The following SLC43A2 variants were observed in gnomAD, a reference collection of about 807,000 sequenced individuals.
The protein encoded by SLC43A2 is solute carrier family 43 member 2.
A neutral mutation model predicts 63.2 loss-of-function variants in SLC43A2; 38 were observed. The ratio of observed to expected loss-of-function variants is 0.60; its 90% confidence interval spans 0.46 to 0.79. The LOEUF (loss-of-function observed/expected upper bound fraction) is 0.79. Among genes scored for constraint, SLC43A2 ranks in the 30% least tolerant of loss-of-function variants. SLC43A2 has a pLI of 0.00. For synonymous variants in SLC43A2, 322 were observed against 331.0 expected (o/e 0.97, Z 0.30); for missense variants, 644 against 756.2 (o/e 0.85, Z 1.74).
chr17:1,586,928 T>TGGCCCCCCAC, intron 9 of SLC43A2: 1 of 1,232,916 alleles, frequency 8.1e-7, no homozygotes, highest in Non-Finnish European at 1.1e-6. Flanking sequence ...TCCCTGACAA[T>TGGCCCCCCAC]CCCCCCCACC....
rs1906603661 is a variant in SLC43A2, at chr17:1,606,238, T to C, written c.501+6957A>G. Among the ~76,000 whole-genome samples, 1 of 152,152 alleles carries C rather than the reference T, an allele frequency of 6.6e-6. No individual in the cohort carries two copies. Among genetic ancestry groups the C allele is most frequent in the Non-Finnish European group, 1.5e-5 (1 of 68,020 alleles). ...TCCTGGCTGCAGACGCGGGGTCTAC[T>C]GAGCCACGGCACTAAACTCCTGTCC... On this transcript the variant is annotated intron_variant, in intron 5 of 13. Transcript: ENST00000301335. The surrounding 1 kb of genome is among the most constrained non-coding windows in gnomAD (Gnocchi z 4.7).
chr17:1,611,627 CA>C (rs11377420), intron 5 of SLC43A2, among the ~76,000 whole-genome samples: 263 of 120,362 alleles, frequency 2.2e-3, no homozygotes, highest in Non-Finnish European at 2.3e-3. Flanking sequence ...CGAGCAGACT[CA>C]AAAAAAAAAA....
At chr17:1,591,739 G>GGGGGGGGC in intron 6 of SLC43A2, 40 bp from the exon 7 acceptor site, 52 of 512,272 alleles carry the variant, frequency 1.0e-4, no homozygotes, top group East Asian at 2.4e-4. Flanking sequence ...GGGGGAGGGG[G>GGGGGGGGC]CAGAGTTAGC....
At chr17:1,585,005 G>A (rs1484736806) in intron 10 of SLC43A2, among the ~76,000 whole-genome samples, 2 of 152,044 alleles carry the variant, frequency 1.3e-5, no homozygotes, top group Admixed American at 6.6e-5. Context: ...AACCTTGCAG[G>A]CAGATAACAA....
At chr17:1,604,673 C>A (rs915204156) in intron 5 of SLC43A2, 20 of 1,502,944 alleles carry the variant, frequency 1.3e-5, no homozygotes, top group Non-Finnish European at 1.8e-5. Context: ...AATGCCCAGT[C>A]CCCAACTAGA....
At chr17:1,613,477 A>T (rs1039314012) in intron 4 of SLC43A2, among the ~76,000 whole-genome samples, 5 of 152,058 alleles carry the variant, frequency 3.3e-5, no homozygotes, top group Middle Eastern at 3.4e-3. Context: ...ATCGAGACGT[A>T]GTTTTGCTCT....
At chr17:1,616,293 G>A (rs1289197068) in intron 3 of SLC43A2, 2 of 501,942 alleles carry the variant, frequency 4.0e-6, no homozygotes, top group Non-Finnish European at 7.1e-6. Context: ...ACTACAAAGG[G>A]ATGGGAAACA....
chr17:1,610,044 G>T (rs1178162403), intron 5 of SLC43A2, among the ~76,000 whole-genome samples: 6 of 151,962 alleles, frequency 3.9e-5, no homozygotes, highest in Non-Finnish European at 8.8e-5. Context: ...CAAGTAGCTG[G>T]GATTACAGGC....
chr17:1,581,852 C>G (rs1375812091), intron 11 of SLC43A2, among the ~76,000 whole-genome samples: 1 of 151,060 alleles, frequency 6.6e-6, no homozygotes, highest in African/African-American at 2.4e-5. Flanking sequence ...GTCGCCCAGG[C>G]TGGAGTGCAG....
In SLC43A2 at chr17:1,593,353, C is replaced by G; in HGVS notation, c.502-74G>C. Reference sequence around the variant, plus strand: ...AAGGGGAGGAGGAGGGGACAGAGAACTAGGCCCCATGAGGCCCCTTCTTCA... The same window carrying G: ...AAGGGGAGGAGGAGGGGACAGAGAAGTAGGCCCCATGAGGCCCCTTCTTCA... On this transcript the variant is annotated intron_variant, in intron 5 of 13. Transcript: ENST00000301335. The surrounding 1 kb of genome is among the most constrained non-coding windows in gnomAD (Gnocchi z 5.3). 1 of 1,387,516 alleles carries G rather than the reference C, an allele frequency of 7.2e-7. No homozygotes were observed. Among genetic ancestry groups the G allele is most frequent in the Non-Finnish European group, 1.0e-6 (1 of 989,406 alleles). The allele number at this position is 1,387,516 out of a possible 1,614,324, so 86.0% of individuals were successfully genotyped here.
intron 2 of SLC43A2, among the ~76,000 whole-genome samples, chr17:1,625,209 A>C (rs1422299568): frequency 2.6e-5 from 4 of 152,212 alleles, no homozygotes; most frequent in African/African-American, 4.8e-5. Flanking sequence ...CACGTCTCCC[A>C]GCAGGCAAGG....
rs750608842 is a variant in SLC43A2, at chr17:1,583,333, G to A, written c.1221C>T (p.Gly407=). 2.2e-5 allele frequency: 35 copies of A among 1,613,966 alleles called. No individual in the cohort carries two copies. The Middle Eastern group carries it at 4.9e-4, about 23-fold the overall frequency. Residue 407 remains glycine, a synonymous_variant, in exon 11 of 14, where the codon GGC becomes GGT. Coordinates refer to ENST00000301335, the MANE Select transcript of SLC43A2 (RefSeq NM_152346.3). The surrounding 1 kb of genome is among the most constrained non-coding windows in gnomAD (Gnocchi z 5.5). ...EEPEEKDANQ[G]EKKKKKRDRQ... is the part of the protein sequence containing the mutation. Reference sequence around the variant, plus strand: ...GGTCCCGCTTCTTCTTTTTCTTCTCGCCTCTGTGGAGACACAGAACGTGCA... The same window carrying A: ...GGTCCCGCTTCTTCTTTTTCTTCTCACCTCTGTGGAGACACAGAACGTGCA...
At position 1,583,669 on chromosome 17, in the gene SLC43A2, C is replaced by T. The variant is rs1221070737; in HGVS notation, c.1218-333G>A. ...GCTGGCACATGGCAAAGCCTCACTTCACCACTGGCTTCAAGTTCACCCAAA... is the reference window on the plus strand; with the variant it reads ...GCTGGCACATGGCAAAGCCTCACTTTACCACTGGCTTCAAGTTCACCCAAA... On this transcript the variant is annotated intron_variant, in intron 10 of 13. Coordinates refer to ENST00000301335, the MANE Select transcript of SLC43A2 (RefSeq NM_152346.3). The surrounding 1 kb of genome is among the most constrained non-coding windows in gnomAD (Gnocchi z 5.5). 3.9e-6 allele frequency: 1 copy of T among 255,056 alleles called. No homozygotes were observed. The highest frequency in any genetic ancestry group is 7.7e-6 in the Non-Finnish European group (1 of 130,638). 15.8% of individuals were successfully genotyped at this position (255,056 alleles called of 1,614,324 possible).
Position 1,593,909 on chromosome 17 carries a change from G to A in SLC43A2, c.502-630C>T, listed in dbSNP as rs1481669750. On this transcript the variant is annotated intron_variant, in intron 5 of 13. Transcript: ENST00000301335. The surrounding 1 kb of genome is among the most constrained non-coding windows in gnomAD (Gnocchi z 5.3). The stretch of plus-strand genomic sequence containing the variant: ...GGCTGGAGCGCAGTGGTGTGAGCTC[G>A]GCTCGTTGCAACCTCCGCCTCCCTG... Among the ~76,000 whole-genome samples the A allele has an allele frequency of 2.0e-5, 3 of 151,982 alleles. No homozygotes were observed. The highest frequency in any genetic ancestry group is 1.9e-4 in the East Asian group (1 of 5,190).
At position 1,583,211 on chromosome 17, in the gene SLC43A2, G is replaced by A; in HGVS notation, c.1343C>T (p.Pro448Leu). The change falls in exon 11 of 14, where the codon CCT becomes CTT. Residue 448 changes from proline (P) to leucine (L), a missense_variant. This residue lies in a region of SLC43A2 where 528 missense variants were observed against 623.6 expected (regional missense o/e 0.85). Transcript: ENST00000301335. This position sits in a 1 kb window ranked among gnomAD's most constrained non-coding sequence, Gnocchi z 5.5. ...CCCACTCCCCACACCCACCTGGAGA[G>A]GCAGGTTGGGAATGAGGCAGGTCAC... ...FGVTCLIPNL[P>L]LQILSFILHT... The A allele has an allele frequency of 6.2e-7, 1 of 1,614,000 alleles. No individual in the cohort carries two copies. The highest frequency in any genetic ancestry group is 8.5e-7 in the Non-Finnish European group (1 of 1,179,952).
chr17:1,582,340 A>G (rs1377989423), intron 11 of SLC43A2, among the ~76,000 whole-genome samples: 2 of 152,126 alleles, frequency 1.3e-5, no homozygotes, highest in African/African-American at 2.4e-5. Flanking sequence ...TCCACCTACC[A>G]AAGTGTTGAG....
At position 1,573,964 on chromosome 17, in the gene SLC43A2, C is replaced by T. The variant is rs894073135; in HGVS notation, c.*1640G>A. 3 of 152,174 alleles carry T rather than the reference C, an allele frequency of 2.0e-5. No homozygotes were observed. Among genetic ancestry groups the T allele is most frequent in the Non-Finnish European group, 4.4e-5 (3 of 68,044 alleles). 9.4% of individuals were successfully genotyped at this position (152,174 alleles called of 1,614,324 possible). A position where few individuals can be genotyped will look rare whatever the true frequency, so the allele number is the denominator to read the frequency against. Reference sequence around the variant, plus strand: ...AATAAAGCCTAGGAGATATGTGTTCCAGGCGCCCAAGCTGTTAATGTGGAG... The same window carrying T: ...AATAAAGCCTAGGAGATATGTGTTCTAGGCGCCCAAGCTGTTAATGTGGAG... On this transcript the variant is annotated 3_prime_UTR_variant, in exon 14 of 14. Coordinates refer to ENST00000301335, the MANE Select transcript of SLC43A2 (RefSeq NM_152346.3).
In SLC43A2 at chr17:1,575,750, G is replaced by A. The variant is rs2075916507; in HGVS notation, c.1564C>T (p.Leu522Phe). Residue 522 changes from leucine (L) to phenylalanine (F), a missense_variant, in exon 14 of 14, where the codon CTC becomes TTC. Coordinates refer to ENST00000301335, the MANE Select transcript of SLC43A2 (RefSeq NM_152346.3). The part of the protein sequence containing the change: ...GDPLWVNVGL[L>F]LLSLLGFCLP... The stretch of plus-strand genomic sequence containing the variant: ...CAGAAGCCCAGCAGGCTGAGAAGGA[G>A]CAGCCCCACGTTCACCTGGGGAGGC... 1.2e-6 allele frequency: 2 copies of A among 1,612,124 alleles called. No individual in the cohort carries two copies. The highest frequency in any genetic ancestry group is 4.5e-5 in the East Asian group (2 of 44,850).
chr17:1,612,836 G>A (rs1567641717), intron 5 of SLC43A2, among the ~76,000 whole-genome samples: 1 of 152,218 alleles, frequency 6.6e-6, no homozygotes, highest in Non-Finnish European at 1.5e-5. Context: ...GCCGGGTGTG[G>A]TGGCGCACGC....
Sources: gnomAD v4.1 joint callset for allele counts (sites outside exome capture counted in the v4.1 genomes callset) on GRCh38, gnomAD v4.1.1 for gene constraint, gnomAD v4.1.1 regional missense constraint, Gnocchi (gnomAD v3.1) non-coding constraint, MANE v1.5 for transcripts, NCBI Gene and HGNC (gene_info 2026-07-23, HGNC 2026-07-21) for gene names.